The following TNRC6C variants were observed in gnomAD, a reference collection of about 807,000 sequenced individuals.
The protein encoded by TNRC6C is trinucleotide repeat containing adaptor 6C.
Under a neutral mutation model 153.7 loss-of-function variants are expected in TNRC6C, and 20 were observed. That is an observed-to-expected ratio of 0.13 (90% CI 0.09 to 0.19). The LOEUF (loss-of-function observed/expected upper bound fraction) is 0.19, where lower values mean the gene tolerates loss of function less well. TNRC6C is among the 10% of genes least tolerant of loss of function. The probability of loss-of-function intolerance (pLI) is 1.00; values close to 1 mark genes in which losing one functional copy is unlikely to be tolerated. For synonymous variants in TNRC6C, 811 were observed against 841.4 expected (o/e 0.96, Z 0.63); for missense variants, 1,987 against 2,172.0 (o/e 0.91, Z 1.69).
At chr17:78,042,153 G>A (rs1467842548) in intron 2 of TNRC6C, among the ~76,000 whole-genome samples, 1 of 152,126 alleles carries the variant, frequency 6.6e-6, no homozygotes, top group African/African-American at 2.4e-5. Context: ...CAGTTACGTT[G>A]CTTAGATTTT....
intron 1 of TNRC6C, among the ~76,000 whole-genome samples, chr17:77,972,655 T>A (rs1468980219): frequency 6.6e-6 from 1 of 152,082 alleles, no homozygotes; most frequent in Admixed American, 6.6e-5. Context: ...TAACAAAAAT[T>A]GATGCAGGAA....
At chr17:78,019,068 G>T (rs979560276) in intron 1 of TNRC6C, among the ~76,000 whole-genome samples, 1 of 152,196 alleles carries the variant, frequency 6.6e-6, no homozygotes, top group South Asian at 2.1e-4. Flanking sequence ...CAGAAGTATG[G>T]ATAGCAAGCA....
At chr17:77,984,323 G>C (rs532084630) in intron 1 of TNRC6C, among the ~76,000 whole-genome samples, 2 of 149,074 alleles carry the variant, frequency 1.3e-5, no homozygotes, top group South Asian at 2.1e-4. Context: ...TTTGAGGCCA[G>C]ACTGGGCAAC....
intron 17 of TNRC6C, among the ~76,000 whole-genome samples, chr17:78,100,844 C>T (rs995850417): frequency 1.4e-5 from 2 of 139,752 alleles, no homozygotes; most frequent in Non-Finnish European, 3.0e-5. Context: ...GGCGTGATCT[C>T]GGCTCACTGC....
intron 10 of TNRC6C, among the ~76,000 whole-genome samples, chr17:78,080,374 A>C (rs1220935322): frequency 6.6e-6 from 1 of 152,180 alleles, no homozygotes; most frequent in Non-Finnish European, 1.5e-5. Context: ...TGACCCGGGG[A>C]GGTGGAGATT....
intron 1 of TNRC6C, among the ~76,000 whole-genome samples, chr17:77,997,127 G>A (rs1260783551): frequency 5.9e-5 from 9 of 152,168 alleles, no homozygotes; most frequent in Non-Finnish European, 1.3e-4. Context: ...GCCAAGAGAC[G>A]CGTTTCTTAA....
chr17:78,096,097 C>T (rs1470668886), intron 16 of TNRC6C, among the ~76,000 whole-genome samples: 1 of 152,166 alleles, frequency 6.6e-6, no homozygotes, highest in Non-Finnish European at 1.5e-5. Context: ...ATGCGTGAGC[C>T]AGTGCGCACG....
At chr17:78,080,184 C>T (rs1217034380) in intron 10 of TNRC6C, among the ~76,000 whole-genome samples, 1 of 152,176 alleles carries the variant, frequency 6.6e-6, no homozygotes, top group African/African-American at 2.4e-5. Flanking sequence ...CGGCGGCTCA[C>T]GCCTGTAATC....
exon 20 of TNRC6C, chr17:78,107,409 G>A (rs1036964851): frequency 1.3e-5 from 2 of 152,202 alleles, no homozygotes; most frequent in African/African-American, 4.8e-5. Context: ...GCTTTCGAAA[G>A]TACAACGCTT....
At chr17:78,061,155 G>A (rs551000855) in intron 3 of TNRC6C, among the ~76,000 whole-genome samples, 10 of 152,196 alleles carry the variant, frequency 6.6e-5, no homozygotes, top group South Asian at 2.1e-4. Context: ...CCCATAGTAC[G>A]GAAATATTCT....
At chr17:78,000,630 C>CCCACACACA (rs1555628277), upstream of TNRC6C, among the ~76,000 whole-genome samples, 1 of 62,290 alleles carries the variant, frequency 1.6e-5, no homozygotes, top group Non-Finnish European at 3.0e-5. Context: ...CCCCCCCCCC[C>CCCACACACA]CACACACACA....
intron 1 of TNRC6C, among the ~76,000 whole-genome samples, chr17:78,029,175 G>C (rs1334996007): frequency 6.6e-6 from 1 of 152,212 alleles, no homozygotes; most frequent in Non-Finnish European, 1.5e-5. Context: ...GGCAGAGTGT[G>C]GCAGTGCTAC....
intron 1 of TNRC6C, among the ~76,000 whole-genome samples, chr17:78,009,006 G>A (rs770275187): frequency 3.3e-5 from 5 of 152,098 alleles, no homozygotes; most frequent in Admixed American, 6.5e-5. Flanking sequence ...TCATAAACTA[G>A]CCCTTTGTAA....
At chr17:78,035,143 C>G (rs76179842) in intron 2 of TNRC6C, among the ~76,000 whole-genome samples, 2,304 of 152,264 alleles carry the variant, frequency 0.015, 69 homozygotes, top group African/African-American at 0.053. Flanking sequence ...GACTCAGACA[C>G]CATTCCAATG....
chr17:78,071,074 C>T lies in TNRC6C; in HGVS notation c.2779-11C>T, dbSNP rs2072985534. ...CTCATGGACTTCCCCCTTTCCCACACTTTGTTCAAGGGCATGAAGACGTCT... is the reference window on the plus strand; with the variant it reads ...CTCATGGACTTCCCCCTTTCCCACATTTTGTTCAAGGGCATGAAGACGTCT... On this transcript the variant is annotated splice_polypyrimidine_tract_variant and intron_variant, in intron 5 of 19. Coordinates refer to ENST00000301624, the Ensembl canonical transcript of TNRC6C. 2 of 1,594,640 alleles carry T rather than the reference C, an allele frequency of 1.3e-6. No homozygotes were observed. The highest frequency in any genetic ancestry group is 1.8e-5 in the Admixed American group (1 of 57,024).
upstream of TNRC6C, among the ~76,000 whole-genome samples, chr17:77,957,650 C>T (rs918141487): frequency 6.6e-6 from 1 of 152,216 alleles, no homozygotes; most frequent in African/African-American, 2.4e-5. Context: ...CTCCACTGAA[C>T]GATGGGGGAA....
At chr17:77,971,616 A>C (rs2070940506) in intron 1 of TNRC6C, among the ~76,000 whole-genome samples, 1 of 152,136 alleles carries the variant, frequency 6.6e-6, no homozygotes, top group African/African-American at 2.4e-5. Flanking sequence ...GAATTCTGTC[A>C]AACATAGAAC....
At chr17:78,097,858 G>T (rs764654792) in intron 16 of TNRC6C, 7 of 1,542,928 alleles carry the variant, frequency 4.5e-6, no homozygotes, top group Non-Finnish European at 6.1e-6. Context: ...ACCTAGTGTT[G>T]CAGGTACGCG....
At chr17:77,994,313 T>TGGATCAA (rs2071295545) in intron 1 of TNRC6C, among the ~76,000 whole-genome samples, 1 of 152,232 alleles carries the variant, frequency 6.6e-6, no homozygotes, top group Non-Finnish European at 1.5e-5. Flanking sequence ...CAGATGTTTC[T>TGGATCAA]GGATCAAGGG....
Sources: allele counts gnomAD v4.1 joint callset (sites outside exome capture counted in the v4.1 genomes callset), GRCh38; gene constraint gnomAD v4.1.1; transcripts MANE v1.5; gene names NCBI Gene and HGNC (gene_info 2026-07-23, HGNC 2026-07-21).